Variants in GPRIN2 observed in about 807,000 individuals in gnomAD.
The protein encoded by GPRIN2 is G protein regulated inducer of neurite outgrowth 2.
In GPRIN2, 1 loss-of-function variant was observed where a neutral mutation model predicts 0.3. The ratio of observed to expected loss-of-function variants is 3.90; its 90% confidence interval spans 1.39 to 18.51. The LOEUF (loss-of-function observed/expected upper bound fraction) is 18.51, where lower values mean the gene tolerates loss of function less well. GPRIN2 is among the 30% of genes most tolerant of loss of function. The probability of loss-of-function intolerance (pLI) is 0.11; values close to 1 mark genes in which losing one functional copy is unlikely to be tolerated. For synonymous variants in GPRIN2, 361 were observed against 258.6 expected (o/e 1.40, Z -3.80); for missense variants, 880 against 604.2 (o/e 1.46, Z -4.79).
chr10:46,545,951 T>C lies in GPRIN2; in HGVS notation c.*3409A>G, dbSNP rs1842119875. On this transcript the variant is annotated 3_prime_UTR_variant, in exon 3 of 3. Coordinates refer to ENST00000374314, the MANE Select transcript of GPRIN2 (RefSeq NM_001385282.1). ...TATATCCAGATTCAAACTCCAGCTT[T>C]AGCCCACTAAGCTACGGTGGCCAAC... is the stretch of plus-strand genomic sequence containing the variant. 6.6e-6 allele frequency among the ~76,000 whole-genome samples: 1 copy of C among 152,310 alleles called. No homozygotes were observed. Among genetic ancestry groups the C allele is most frequent in the Non-Finnish European group, 1.5e-5 (1 of 68,056 alleles).
Position 46,544,706 on chromosome 10 carries a change from G to C in GPRIN2, c.*4654C>G, listed in dbSNP as rs1832976426. Among the ~76,000 whole-genome samples, 247 of 152,238 alleles carry C rather than the reference G, an allele frequency of 1.6e-3. No homozygotes were observed. Among genetic ancestry groups the C allele is most frequent in the African/African-American group, 5.6e-3 (232 of 41,434 alleles). ...AGAAGTAGGTAAAAGTTGAGAAAGGGAAGTGGCCACCACAGAACCAGTTCT... is the reference window on the plus strand; with the variant it reads ...AGAAGTAGGTAAAAGTTGAGAAAGGCAAGTGGCCACCACAGAACCAGTTCT... On this transcript the variant is annotated 3_prime_UTR_variant, in exon 3 of 3. Transcript: ENST00000374314.
chr10:46,549,604 G>C lies in GPRIN2; in HGVS notation c.1133C>G (p.Pro378Arg). The change falls in exon 3 of 3, where the codon CCT becomes CGT. Residue 378 changes from proline (P) to arginine (R), a missense_variant. By Grantham distance (103) the Pro-to-Arg change is moderately radical. Coordinates refer to ENST00000374314, the MANE Select transcript of GPRIN2 (RefSeq NM_001385282.1). ...LGSSLEEVPSPVRDVRWDAEG... is the reference protein window; with the variant it reads ...LGSSLEEVPSRVRDVRWDAEG... Reference sequence around the variant, plus strand: ...AGCATCCCATCGCACATCCCGCACAGGGGACGGCACCTCCTCCAGGCTGGA... The same window carrying C: ...AGCATCCCATCGCACATCCCGCACACGGGACGGCACCTCCTCCAGGCTGGA... 10 of 1,614,226 alleles carry C rather than the reference G, an allele frequency of 6.2e-6. No individual in the cohort carries two copies. The highest frequency in any genetic ancestry group is 8.5e-6 in the Non-Finnish European group (10 of 1,179,994).
rs1841819625 is a variant in GPRIN2 at position 46,542,264 on chromosome 10, G to A, written c.*7096C>T. Among the ~76,000 whole-genome samples the A allele has an allele frequency of 6.6e-6, 1 of 152,310 alleles. No individual in the cohort carries two copies. Among genetic ancestry groups the A allele is most frequent in the African/African-American group, 2.4e-5 (1 of 41,486 alleles). On this transcript the variant is annotated 3_prime_UTR_variant, in exon 3 of 3. Transcript: ENST00000374314. ...TCCCAGGGTTCCAGCCCCAACAGAG[G>A]CTCCCTGCTTGGGCCTTGCTCAGGC...
chr10:46,549,248 A>C lies in GPRIN2; in HGVS notation c.*112T>G. The C allele has an allele frequency of 7.5e-7, 1 of 1,326,610 alleles. No homozygotes were observed. Among genetic ancestry groups the C allele is most frequent in the South Asian group, 1.8e-5 (1 of 57,084 alleles). 82.2% of individuals were successfully genotyped at this position (1,326,610 alleles called of 1,614,324 possible). ...TCTGGAGGCAGCCAATATTCAGGTG[A>C]GAGATGTGCCCAGCTGCCGGTGGGT... is the stretch of plus-strand genomic sequence containing the variant. On this transcript the variant is annotated 3_prime_UTR_variant, in exon 3 of 3. Coordinates refer to ENST00000374314, the MANE Select transcript of GPRIN2 (RefSeq NM_001385282.1).
chr10:46,552,073 T>C (rs1323226371), intron 2 of GPRIN2, among the ~76,000 whole-genome samples: 1 of 152,306 alleles, frequency 6.6e-6, no homozygotes, highest in Non-Finnish European at 1.5e-5. Context: ...AAATGGGGTC[T>C]GAGGGAGGGC....
rs1832689856 is a variant in GPRIN2 at position 46,549,533 on chromosome 10, C to T, written c.1204G>A (p.Val402Met). ...TGCTTCTGGATGGCCACACCGAGCA[C>T]CTCCAGGTCCACCGCAGCTCCGTAC... ...EVYGAAVDLE[V>M]LGVAIQKHLE... is the part of the protein sequence containing the mutation. The change falls in exon 3 of 3, where the codon GTG becomes ATG. Residue 402 changes from valine to methionine, a missense_variant. By Grantham distance (21) the Val-to-Met change is conservative. Transcript: ENST00000374314. The T allele has an allele frequency of 1.9e-6, 3 of 1,613,550 alleles. No homozygotes were observed. In the South Asian group the frequency reaches 3.3e-5, roughly 18 times the overall value.
In GPRIN2 at chr10:46,542,133, A is replaced by G. The variant is rs1841812071; in HGVS notation, c.*7227T>C. On this transcript the variant is annotated 3_prime_UTR_variant, in exon 3 of 3. Transcript: ENST00000374314. Reference sequence around the variant, plus strand: ...ACCATCTCCCAGTCTGTTGACTGCTAAAAATGAGAAGTGAACAGAGAGAAG... The same window carrying G: ...ACCATCTCCCAGTCTGTTGACTGCTGAAAATGAGAAGTGAACAGAGAGAAG... Among the ~76,000 whole-genome samples, 1 of 152,304 alleles carries G rather than the reference A, an allele frequency of 6.6e-6. No individual in the cohort carries two copies. Among genetic ancestry groups the G allele is most frequent in the South Asian group, 2.1e-4 (1 of 4,836 alleles).
At chr10:46,556,181 G>C (rs1226198954) in intron 1 of GPRIN2, among the ~76,000 whole-genome samples, 1 of 152,428 alleles carries the variant, frequency 6.6e-6, no homozygotes, top group Admixed American at 6.5e-5. Flanking sequence ...GCTGAGGGAG[G>C]GGAAAAGGAA....
Position 46,549,417 on chromosome 10 carries a change from G to A in GPRIN2, c.1320C>T (p.Val440=). 1.3e-6 allele frequency: 2 copies of A among 1,561,688 alleles called. No individual in the cohort carries two copies. Among genetic ancestry groups the A allele is most frequent in the South Asian group, 2.4e-5 (2 of 82,598 alleles). Reference sequence around the variant, plus strand: ...AGCTGGGGCGCCGCAGGGACTGCATGACAGCCCGCAGTGGCCCCCTCCGGC... The same window carrying A: ...AGCTGGGGCGCCGCAGGGACTGCATAACAGCCCGCAGTGGCCCCCTCCGGC... The part of the protein sequence containing the change: ...VEGRRGPLRA[V]MQSLRRPSCC... The change falls in exon 3 of 3, where the codon GTC becomes GTT. Residue 440 remains valine, a synonymous_variant. Transcript: ENST00000374314.
rs2131622206 is a variant in GPRIN2 at position 46,542,001 on chromosome 10, C to T, written c.*7359G>A. On this transcript the variant is annotated 3_prime_UTR_variant, in exon 3 of 3. Coordinates refer to ENST00000374314, the MANE Select transcript of GPRIN2 (RefSeq NM_001385282.1). ...AGCCCTTGCCCATCTCCCTGAATAC[C>T]CCCAACTCTGAAGAGAAAAAAAATC... 6.6e-6 allele frequency among the ~76,000 whole-genome samples: 1 copy of T among 152,420 alleles called. No individual in the cohort carries two copies. Among genetic ancestry groups the T allele is most frequent in the South Asian group, 2.1e-4 (1 of 4,834 alleles).
In GPRIN2 at chr10:46,546,467, G is replaced by T. The variant is rs1832899608; in HGVS notation, c.*2893C>A. Among the ~76,000 whole-genome samples, 196 of 152,324 alleles carry T rather than the reference G, an allele frequency of 1.3e-3. No individual in the cohort carries two copies. Among genetic ancestry groups the T allele is most frequent in the African/African-American group, 4.6e-3 (189 of 41,506 alleles). On this transcript the variant is annotated 3_prime_UTR_variant, in exon 3 of 3. Coordinates refer to ENST00000374314, the MANE Select transcript of GPRIN2 (RefSeq NM_001385282.1). Reference sequence around the variant, plus strand: ...AGGACCGATGCCCCATCCCTGCTGGGGTCTGGCAAAGCTCTCACCTCCAAA... The same window carrying T: ...AGGACCGATGCCCCATCCCTGCTGGTGTCTGGCAAAGCTCTCACCTCCAAA...
Position 46,549,949 on chromosome 10 carries a change from G to C in GPRIN2, c.788C>G (p.Ala263Gly). ...CTGCAGCCCAGACTCGCTCACTGACGCCACTAGTTTGGGAAAGGCCAGGAT... is the reference window on the plus strand; with the variant it reads ...CTGCAGCCCAGACTCGCTCACTGACCCCACTAGTTTGGGAAAGGCCAGGAT... Reference protein sequence around the residue: ...TGILAFPKLVASVSESGLQAQ... With the variant: ...TGILAFPKLVGSVSESGLQAQ... Residue 263 changes from alanine to glycine, a missense_variant, in exon 3 of 3, where the codon GCG (alanine) becomes GGG (glycine). Transcript: ENST00000374314. The C allele has an allele frequency of 6.2e-7, 1 of 1,614,282 alleles. No individual in the cohort carries two copies. Among genetic ancestry groups the C allele is most frequent in the South Asian group, 1.1e-5 (1 of 91,092 alleles).
chr10:46,552,160 C>T (rs1304695359), intron 2 of GPRIN2, among the ~76,000 whole-genome samples: 2 of 152,310 alleles, frequency 1.3e-5, no homozygotes, highest in East Asian at 3.8e-4. Context: ...GTAAGTCAGG[C>T]CTGGAGTGAG....
At chr10:46,555,720 TG>T (rs1486575754) in intron 1 of GPRIN2, among the ~76,000 whole-genome samples, 6 of 152,296 alleles carry the variant, frequency 3.9e-5, no homozygotes. Flanking sequence ...CTTCCTCCCC[TG>T]GGGAGGATTT....
chr10:46,553,299 C>G (rs2131579788), intron 2 of GPRIN2, among the ~76,000 whole-genome samples: 1 of 152,306 alleles, frequency 6.6e-6, no homozygotes, highest in African/African-American at 2.4e-5. Context: ...CTGAGTGGAT[C>G]TCCACCTGCC....
In GPRIN2 at chr10:46,550,009, G is replaced by GCCCCCACTT. The variant is rs554090811; in HGVS notation, c.727_728insAAGTGGGGG (p.Arg242_Ala243insGluValGly). 1 of 1,611,168 alleles carries GCCCCCACTT rather than the reference G, an allele frequency of 6.2e-7. No homozygotes were observed. Among genetic ancestry groups the GCCCCCACTT allele is most frequent in the Non-Finnish European group, 8.5e-7 (1 of 1,177,926 alleles). On this transcript the variant is annotated inframe_insertion, in exon 3 of 3. Coordinates refer to ENST00000374314, the MANE Select transcript of GPRIN2 (RefSeq NM_001385282.1). Reference sequence around the variant, plus strand: ...AGGTAGGGCATGGCAGCAGCCACCAGCCCTCACCTCCCTCATGCCACAGAG... The same window carrying GCCCCCACTT: ...AGGTAGGGCATGGCAGCAGCCACCAGCCCCCACTTCCCTCACCTCCCTCATGCCACAGAG...
In GPRIN2 at chr10:46,554,672, G is replaced by A; in HGVS notation, c.-94C>T. 6.5e-6 allele frequency: 1 copy of A among 153,892 alleles called. No homozygotes were observed. Among genetic ancestry groups the A allele is most frequent in the Non-Finnish European group, 1.4e-5 (1 of 69,192 alleles). The allele number at this position is 153,892 out of a possible 1,614,324, so 9.5% of individuals were successfully genotyped here. A position where few individuals can be genotyped will look rare whatever the true frequency, so the allele number is the denominator to read the frequency against. ...GTGGCCAATGCCAGGCTGTCCTGCT[G>A]CCTCAGGTTCCACCTGTCAGCAACT... On this transcript the variant is annotated 5_prime_UTR_variant, in exon 2 of 3. Coordinates refer to ENST00000374314, the MANE Select transcript of GPRIN2 (RefSeq NM_001385282.1).
At position 46,556,622 on chromosome 10, in the gene GPRIN2, C is replaced by T. The variant is rs1008856433; in HGVS notation, c.-242G>A. ...GGCCTGGGCGCGAGACGCCGCCCGC[C>T]GCCGTCGGCCCGGCCCGCGGAGCAA... On this transcript the variant is annotated 5_prime_UTR_variant, in exon 1 of 3. Coordinates refer to ENST00000374314, the MANE Select transcript of GPRIN2 (RefSeq NM_001385282.1). 6.6e-6 allele frequency among the ~76,000 whole-genome samples: 1 copy of T among 151,922 alleles called. No homozygotes were observed. Among genetic ancestry groups the T allele is most frequent in the Admixed American group, 6.6e-5 (1 of 15,234 alleles).
chr10:46,552,976 C>T (rs1475244164), intron 2 of GPRIN2, among the ~76,000 whole-genome samples: 4 of 152,310 alleles, frequency 2.6e-5, no homozygotes, highest in Admixed American at 6.5e-5. Flanking sequence ...AAGCCCGTAA[C>T]AGCGATGATA....
Sources: gnomAD v4.1 joint callset for allele counts (sites outside exome capture counted in the v4.1 genomes callset) on GRCh38, gnomAD v4.1.1 for gene constraint, MANE v1.5 for transcripts, NCBI Gene and HGNC (gene_info 2026-07-23, HGNC 2026-07-21) for gene names.